The following SETX variants were observed in gnomAD, a reference collection of about 807,000 sequenced individuals.
SETX encodes helicase senataxin.
A neutral mutation model predicts 227.2 loss-of-function variants in SETX; 90 were observed. That is an observed-to-expected ratio of 0.40 (90% CI 0.33 to 0.47). SETX has a LOEUF of 0.47. Among genes scored for constraint, SETX ranks in the 20% least tolerant of loss-of-function variants. SETX has a pLI of 0.91. For synonymous variants in SETX, 1,210 were observed against 1,113.2 expected (o/e 1.09, Z -1.73); for missense variants, 3,052 against 3,181.5 (o/e 0.96, Z 0.98).
chr9:132,311,625 CATATTCT>C, intron 11 of SETX, 125 bp downstream of exon 11: 1 of 681,240 alleles, frequency 1.5e-6, no homozygotes, highest in East Asian at 2.8e-5. Context: ...AGACTTTAAG[CATATTCT>C]AAGAAGTCAC....
chr9:132,335,680 T>A (rs1847570329), intron 6 of SETX, among the ~76,000 whole-genome samples: 1 of 152,080 alleles, frequency 6.6e-6, no homozygotes, highest in Admixed American at 6.6e-5. Flanking sequence ...AAAGGAGTAT[T>A]AACAATCAAA....
At chr9:132,303,597 A>G (rs866112527) in intron 11 of SETX, among the ~76,000 whole-genome samples, 1 of 151,918 alleles carries the variant, frequency 6.6e-6, no homozygotes, top group Non-Finnish European at 1.5e-5. Flanking sequence ...TTAGGAGTAA[A>G]TATTTTCAAT....
At chr9:132,285,741 G>A (rs922763720) in intron 18 of SETX, among the ~76,000 whole-genome samples, 3 of 151,208 alleles carry the variant, frequency 2.0e-5, no homozygotes, top group African/African-American at 2.5e-5. Flanking sequence ...TTAGTCGGGC[G>A]TGGTGGCGCA....
At chr9:132,332,975 A>C (rs1259512783) in intron 7 of SETX, among the ~76,000 whole-genome samples, 2 of 152,038 alleles carry the variant, frequency 1.3e-5, no homozygotes, top group African/African-American at 2.4e-5. Context: ...AGCTAGCTTA[A>C]CAGAAAGGAC....
In SETX at chr9:132,328,299, T is replaced by G. The variant is rs545072717; in HGVS notation, c.3299A>C (p.Asn1100Thr). 1.1e-5 allele frequency: 17 copies of G among 1,613,980 alleles called. No individual in the cohort carries two copies. The highest frequency in any genetic ancestry group is 1.2e-5 in the Non-Finnish European group (14 of 1,180,032). The change falls in exon 10 of 26, where the codon AAT becomes ACT. Residue 1100 changes from asparagine (N) to threonine (T), a missense_variant. Physicochemically the swap from Asn to Thr is moderately conservative, Grantham distance 65 (BLOSUM62 0). Transcript: ENST00000224140. ...FSVWQDHPDD[N>T]NSVQDGEKKC... ...TTTCTCACCATCTTGAACTGAATTA[T>G]TATCGTCTGGATGATCTTGCCAAAC...
intron 5 of SETX, among the ~76,000 whole-genome samples, chr9:132,340,342 T>C (rs959122908): frequency 1.3e-5 from 2 of 152,250 alleles, no homozygotes; most frequent in African/African-American, 4.8e-5. Context: ...TAATTTTAAA[T>C]TTACTGGACA....
At chr9:132,307,507 G>A (rs1845402829) in intron 11 of SETX, among the ~76,000 whole-genome samples, 1 of 152,030 alleles carries the variant, frequency 6.6e-6, no homozygotes, top group South Asian at 2.1e-4. Context: ...TGTAAGCTCA[G>A]TTATGGGATA....
At chr9:132,265,020 C>T in intron 25 of SETX, 35 bp from the exon 26 acceptor site, 2 of 1,608,068 alleles carry the variant, frequency 1.2e-6, no homozygotes, top group Non-Finnish European at 1.7e-6. Flanking sequence ...TAATTACACC[C>T]CAAAGAGACA....
intron 25 of SETX, among the ~76,000 whole-genome samples, chr9:132,265,228 T>G (rs867135496): frequency 2.1e-5 from 3 of 144,062 alleles, no homozygotes; most frequent in African/African-American, 5.3e-5. Context: ...ACTTTTGTTT[T>G]TTTTTTTTTT....
chr9:132,306,238 TG>T (rs1425281789), intron 11 of SETX, among the ~76,000 whole-genome samples: 4 of 152,252 alleles, frequency 2.6e-5, no homozygotes, highest in South Asian at 2.1e-4. Context: ...TCACAAATTT[TG>T]GCTGTTTTTG....
At chr9:132,279,035 G>A (rs1303002032) in intron 20 of SETX, among the ~76,000 whole-genome samples, 1 of 152,188 alleles carries the variant, frequency 6.6e-6, no homozygotes, top group Non-Finnish European at 1.5e-5. Context: ...TCCTTCGAGC[G>A]TGAACTTTAA....
rs1228133036 is a variant in SETX, at chr9:132,335,085, G to C, written c.719-358C>G. Reference sequence around the variant, plus strand: ...ACGTGACCTTAAGATTTGGAATCAAGGAAATGGTATAGAAGTATTTTGAGG... The same window carrying C: ...ACGTGACCTTAAGATTTGGAATCAACGAAATGGTATAGAAGTATTTTGAGG... On this transcript the variant is annotated intron_variant, in intron 6 of 25. Coordinates refer to ENST00000224140, the MANE Select transcript of SETX (RefSeq NM_015046.7). 3.3e-5 allele frequency among the ~76,000 whole-genome samples: 5 copies of C among 152,024 alleles called. No individual in the cohort carries two copies. In the South Asian group the frequency reaches 1.0e-3, roughly 32 times the overall value.
chr9:132,346,670 G>A (rs1159282458), intron 3 of SETX, among the ~76,000 whole-genome samples, 199 bp from the exon 4 acceptor site: 1 of 152,034 alleles, frequency 6.6e-6, no homozygotes, highest in African/African-American at 2.4e-5. Context: ...ATGAGATATT[G>A]GCTAGGCACA....
intron 11 of SETX, among the ~76,000 whole-genome samples, chr9:132,310,060 G>T (rs1003712066): frequency 4.0e-4 from 61 of 152,134 alleles, no homozygotes; most frequent in African/African-American, 1.2e-3. Context: ...ATTATATAAA[G>T]AACTCCTACA....
intron 11 of SETX, among the ~76,000 whole-genome samples, chr9:132,302,464 A>G (rs964757199): frequency 2.6e-5 from 4 of 151,292 alleles, no homozygotes; most frequent in African/African-American, 7.3e-5. Context: ...GTTTGAGACC[A>G]GCCTGGCCAA....
intron 10 of SETX, among the ~76,000 whole-genome samples, chr9:132,316,844 T>C (rs969071364): frequency 1.3e-5 from 2 of 152,338 alleles, no homozygotes; most frequent in East Asian, 3.9e-4. Context: ...AACAGCTTCG[T>C]AGCAGATAAA....
rs879253866 is a variant in SETX at position 132,288,238 on chromosome 9, G to A, written c.6322C>T (p.Gln2108Ter). 3.1e-6 allele frequency: 5 copies of A among 1,612,532 alleles called. No homozygotes were observed. Among genetic ancestry groups the A allele is most frequent in the Non-Finnish European group, 4.2e-6 (5 of 1,178,604 alleles). Residue 2108 changes from glutamine to a stop codon, truncating the protein, a stop_gained and splice_region_variant, in exon 17 of 26, where the codon CAG becomes TAG. Transcript: ENST00000224140. LOFTEE classifies it high-confidence loss of function. ...TTATTCAAGAAATGCAAAGATACCT[G>A]TATTTCCCGTCCACCTCGGCATAGA... ...RALCRGGREIQRQELDENISK... is the reference protein window; with the variant it reads ...RALCRGGREI
Position 132,273,992 on chromosome 9 carries a change from A to G in SETX, c.7100+1264T>C, listed in dbSNP as rs560308773. Among the ~76,000 whole-genome samples, 17 of 151,218 alleles carry G rather than the reference A, an allele frequency of 1.1e-4. No homozygotes were observed. The South Asian group carries it at 2.5e-3, about 22-fold the overall frequency. ...ATTCTTTTTTTTTTTTTAAATCATC[A>G]AAGCATTTTGGGTTCCGTGCAACTT... On this transcript the variant is annotated intron_variant, in intron 23 of 25. Transcript: ENST00000224140.
At position 132,269,697 on chromosome 9, in the gene SETX, A is replaced by G. The variant is rs77890551; in HGVS notation, c.7205T>C (p.Leu2402Pro). Residue 2402 changes from leucine (L) to proline (P), a missense_variant, in exon 25 of 26, where the codon CTG becomes CCG. Coordinates refer to ENST00000224140, the MANE Select transcript of SETX (RefSeq NM_015046.7). ...ANSIQGSIGFLASLQRLNVTI... is the reference protein window; with the variant it reads ...ANSIQGSIGFPASLQRLNVTI... Reference sequence around the variant, plus strand: ...GACATTCAATCTCTGCAAACTTGCCAGGAATCTAGGCAATAAAAAAAGAGT... The same window carrying G: ...GACATTCAATCTCTGCAAACTTGCCGGGAATCTAGGCAATAAAAAAAGAGT... 6.2e-7 allele frequency: 1 copy of G among 1,614,184 alleles called. No homozygotes were observed. The highest frequency in any genetic ancestry group is 2.2e-5 in the East Asian group (1 of 44,882).
Sources: gnomAD v4.1 joint callset for allele counts (sites outside exome capture counted in the v4.1 genomes callset) on GRCh38, gnomAD v4.1.1 for gene constraint, MANE v1.5 for transcripts, NCBI Gene and HGNC (gene_info 2026-07-23, HGNC 2026-07-21) for gene names.